CSMD1: variants seen among roughly 807,000 people sequenced by gnomAD.
The protein encoded by CSMD1 is CUB and Sushi multiple domains 1.
CSMD1 carries 213 observed loss-of-function variants against 417.5 expected under a neutral mutation model. The observed-to-expected ratio is 0.51, with a 90% CI of 0.46 to 0.57. The LOEUF is 0.57. CSMD1 is among the 20% of genes least tolerant of loss of function. The pLI, the probability that CSMD1 is intolerant of heterozygous loss-of-function variation, is 0.00. For synonymous variants in CSMD1, 2,862 were observed against 1,736.8 expected, an observed-to-expected ratio of 1.65 and a Z score of -16.11; for missense variants, 6,923 against 4,529.7, an observed-to-expected ratio of 1.53 and a Z score of -15.17.
chr8:4,866,549 T>TA (rs530734631), intron 1 of CSMD1, among the ~76,000 whole-genome samples: 84 of 152,052 alleles, frequency 5.5e-4, no homozygotes, highest in African/African-American at 1.7e-3. Flanking sequence ...TTTTAACAAC[T>TA]AAATAAATAG....
chr8:4,629,464 G>C (rs1415050815), intron 2 of CSMD1, among the ~76,000 whole-genome samples: 1 of 152,060 alleles, frequency 6.6e-6, no homozygotes, highest in Admixed American at 6.6e-5. Context: ...TTCAATTGAA[G>C]GATTATTTAA....
At chr8:3,303,659 G>T (rs1206032413) in intron 25 of CSMD1, among the ~76,000 whole-genome samples, 1 of 152,132 alleles carries the variant, frequency 6.6e-6, no homozygotes. Flanking sequence ...GTACACATAT[G>T]GTTATGTAAA....
intron 2 of CSMD1, among the ~76,000 whole-genome samples, chr8:4,550,332 C>G (rs929859156): frequency 9.2e-5 from 7 of 76,058 alleles, no homozygotes; most frequent in African/African-American, 4.1e-4. Flanking sequence ...CACACACGCA[C>G]ACACACACAC....
At chr8:4,560,038 C>A (rs1433200025) in intron 2 of CSMD1, among the ~76,000 whole-genome samples, 2 of 152,232 alleles carry the variant, frequency 1.3e-5, no homozygotes, top group African/African-American at 4.8e-5. Context: ...CAGACAGCCT[C>A]CACCTGCCAC....
chr8:3,984,023 G>C (rs1183155516), intron 5 of CSMD1, among the ~76,000 whole-genome samples: 1 of 148,050 alleles, frequency 6.8e-6, no homozygotes, highest in Non-Finnish European at 1.5e-5. Flanking sequence ...GTCAATTGCA[G>C]CTCTAGAGCA....
At chr8:3,896,106 G>C (rs563288687) in intron 5 of CSMD1, among the ~76,000 whole-genome samples, 6 of 152,250 alleles carry the variant, frequency 3.9e-5, no homozygotes, top group African/African-American at 1.4e-4. Flanking sequence ...ACTTCCTGAT[G>C]GGCCCATTCT....
chr8:4,037,607 G>C (rs1797686532), intron 3 of CSMD1, among the ~76,000 whole-genome samples: 1 of 76,090 alleles, frequency 1.3e-5, no homozygotes, highest in Admixed American at 1.2e-4. Context: ...AAGGAGAATG[G>C]ACTTTAGGTC....
At chr8:3,533,072 T>G (rs1563128839) in intron 10 of CSMD1, among the ~76,000 whole-genome samples, 2 of 152,198 alleles carry the variant, frequency 1.3e-5, no homozygotes, top group Non-Finnish European at 2.9e-5. Flanking sequence ...CAGCTCGTAA[T>G]TCATCCAATG....
intron 5 of CSMD1, among the ~76,000 whole-genome samples, chr8:3,771,886 G>T (rs150742096): frequency 0.011 from 1,613 of 151,994 alleles, 15 homozygotes; most frequent in South Asian, 0.025. Context: ...CCACAGTCCT[G>T]ATCTGACCCA....
intron 32 of CSMD1, among the ~76,000 whole-genome samples, chr8:3,200,910 C>T (rs180850956): frequency 6.6e-6 from 1 of 152,262 alleles, no homozygotes; most frequent in African/African-American, 2.4e-5. Flanking sequence ...CAGTACCAAA[C>T]TGATTTAGTA....
At chr8:3,019,544 G>A (rs1402943392) in intron 51 of CSMD1, among the ~76,000 whole-genome samples, 4 of 152,084 alleles carry the variant, frequency 2.6e-5, no homozygotes, top group African/African-American at 7.2e-5. Flanking sequence ...AATTTGTTGG[G>A]CTCATGAGCT....
chr8:4,075,043 T>C (rs972014198), intron 3 of CSMD1, among the ~76,000 whole-genome samples: 2 of 152,184 alleles, frequency 1.3e-5, no homozygotes, highest in Admixed American at 1.3e-4. Flanking sequence ...CCAGTATGAA[T>C]GATGAGTAAA....
intron 3 of CSMD1, among the ~76,000 whole-genome samples, chr8:4,214,606 T>G (rs1800522040): frequency 6.6e-6 from 1 of 152,122 alleles, no homozygotes; most frequent in African/African-American, 2.4e-5. Flanking sequence ...CCCACCTTAT[T>G]AGAATTTTGA....
At chr8:2,955,796 CTTTG>C (rs758039844) in intron 63 of CSMD1, 28 bp from the exon 64 acceptor site, 1 of 1,602,882 alleles carries the variant, frequency 6.2e-7, no homozygotes, top group African/African-American at 1.3e-5. Flanking sequence ...AACATTGAGA[CTTTG>C]TTTATTGTAA....
At chr8:4,860,952 G>T (rs1305674376) in intron 1 of CSMD1, among the ~76,000 whole-genome samples, 8 of 152,054 alleles carry the variant, frequency 5.3e-5, no homozygotes, top group Non-Finnish European at 8.8e-5. Context: ...GATATCCTCA[G>T]TTTCAAGAAT....
intron 5 of CSMD1, among the ~76,000 whole-genome samples, chr8:3,868,531 G>A (rs1299795963): frequency 6.6e-6 from 1 of 152,060 alleles, no homozygotes; most frequent in Non-Finnish European, 1.5e-5. Flanking sequence ...ATTCCCAAAT[G>A]CGTACCTGCA....
chr8:4,603,784 A>G (rs913152122), intron 2 of CSMD1, among the ~76,000 whole-genome samples: 4 of 152,208 alleles, frequency 2.6e-5, no homozygotes, highest in African/African-American at 9.6e-5. Context: ...AGTTGGAATG[A>G]AACACAATAA....
chr8:4,222,877 A>G (rs978835912), intron 3 of CSMD1, among the ~76,000 whole-genome samples: 19 of 152,342 alleles, frequency 1.2e-4, no homozygotes, highest in African/African-American at 4.6e-4. Flanking sequence ...ATCACTAGAC[A>G]TAACCACAAA....
intron 5 of CSMD1, among the ~76,000 whole-genome samples, chr8:3,916,634 T>C (rs191270261): frequency 3.9e-5 from 6 of 152,268 alleles, no homozygotes; most frequent in African/African-American, 7.2e-5. Flanking sequence ...ACTTAACATA[T>C]AGGTACCCTG....
Sources: gnomAD v4.1 joint callset for allele counts (sites outside exome capture counted in the v4.1 genomes callset) on GRCh38, gnomAD v4.1.1 for gene constraint, MANE v1.5 for transcripts, NCBI Gene and HGNC (gene_info 2026-07-23, HGNC 2026-07-21) for gene names.